Variants in STAP2 observed in about 807,000 individuals in gnomAD.
STAP2 encodes the protein signal transducing adaptor family member 2.
Under a neutral mutation model 52.7 loss-of-function variants are expected in STAP2, and 58 were observed. The ratio of observed to expected loss-of-function variants is 1.10; its 90% confidence interval spans 0.89 to 1.37. The LOEUF is 1.37. Among genes scored for constraint, STAP2 ranks in the 40% most tolerant of loss-of-function variants. STAP2 has a pLI of 0.00. For synonymous variants in STAP2, 231 were observed against 210.5 expected, an observed-to-expected ratio of 1.10 and a Z score of -0.84; for missense variants, 522 against 519.4, an observed-to-expected ratio of 1.00 and a Z score of -0.05.
chr19:4,324,381 G>A, intron 12 of STAP2, 74 bp downstream of exon 12: 1 of 1,402,456 alleles, frequency 7.1e-7, no homozygotes. Flanking sequence ...GCGCTTCGGA[G>A]TGTGGGGACT....
In STAP2 at chr19:4,328,748, C is replaced by T. The variant is rs1325603205; in HGVS notation, c.517G>A (p.Gly173Arg). The change falls in exon 6 of 13, where the codon GGG becomes AGG. Residue 173 changes from glycine to arginine, a missense_variant. Transcript: ENST00000594605. ...CCGCTGGGCCGCAGCAGCAGGTTCC[C>T]GCACTCGGGGTAGCGCTCCAGGAGC... ...QLLLERYPEC[G>R]NLLLRPSGDG... is the part of the protein sequence containing the mutation. The T allele has an allele frequency of 1.2e-6, 2 of 1,610,300 alleles. No homozygotes were observed. The highest frequency in any genetic ancestry group is 2.2e-5 in the East Asian group (1 of 44,786).
intron 1 of STAP2, 92 bp from the exon 2 acceptor site, chr19:4,334,136 T>G: frequency 9.4e-7 from 1 of 1,062,644 alleles, no homozygotes; most frequent in Non-Finnish European, 1.4e-6. Flanking sequence ...TTGCACTGGT[T>G]GTGCTCTCTG....
chr19:4,337,643 T>TC (rs900666517), intron 1 of STAP2, among the ~76,000 whole-genome samples: 3 of 150,860 alleles, frequency 2.0e-5, no homozygotes, highest in Admixed American at 1.3e-4. Flanking sequence ...GGTCAAGAGT[T>TC]CAAGACCAGC....
intron 3 of STAP2, among the ~76,000 whole-genome samples, chr19:4,332,530 A>AT (rs1404661686): frequency 3.3e-5 from 5 of 151,946 alleles, no homozygotes; most frequent in African/African-American, 7.2e-5. Flanking sequence ...TGATGTTATT[A>AT]TATCAACATT....
chr19:4,327,428 C>A (rs1222332250), intron 6 of STAP2, 43 bp from the exon 7 acceptor site: 1 of 1,608,352 alleles, frequency 6.2e-7, no homozygotes, highest in Non-Finnish European at 8.5e-7. Flanking sequence ...CCCAGGCTCC[C>A]ACACCGCCCC....
intron 3 of STAP2, among the ~76,000 whole-genome samples, chr19:4,332,401 C>T (rs1971908607): frequency 6.6e-6 from 1 of 151,202 alleles, no homozygotes; most frequent in African/African-American, 2.4e-5. Flanking sequence ...ACATGAGGGT[C>T]TCGCTTTGTT....
intron 3 of STAP2, 32 bp downstream of exon 3, chr19:4,333,662 G>A (rs1394792030): frequency 3.8e-6 from 6 of 1,588,006 alleles, no homozygotes; most frequent in African/African-American, 2.7e-5. Flanking sequence ...TGCAAGCACC[G>A]CCCCTCTGCA....
At chr19:4,331,159 G>A (rs1320946930) in intron 4 of STAP2, among the ~76,000 whole-genome samples, 2 of 152,124 alleles carry the variant, frequency 1.3e-5, no homozygotes, top group East Asian at 3.9e-4. Flanking sequence ...GTGAGACCCT[G>A]CTCTACAAAA....
Position 4,325,482 on chromosome 19 carries a change from G to A in STAP2, c.893C>T (p.Pro298Leu). The change falls in exon 10 of 13, where the codon CCC (proline) becomes CTC (leucine). Residue 298 changes from proline to leucine, a missense_variant. Coordinates refer to ENST00000594605, the MANE Select transcript of STAP2 (RefSeq NM_001013841.2). Reference protein sequence around the residue: ...LSPASSQDKLPPLPPLPNQEE... With the variant: ...LSPASSQDKLLPLPPLPNQEE... ...CTGGTTCGGTAGTGGGGGCAGTGGG[G>A]GCAGCTTGTCCTGGCTAGACGCAGG... is the stretch of plus-strand genomic sequence containing the variant. 6.2e-7 allele frequency: 1 copy of A among 1,613,588 alleles called. No homozygotes were observed. The highest frequency in any genetic ancestry group is 8.5e-7 in the Non-Finnish European group (1 of 1,179,704).
chr19:4,333,443 C>T (rs755094895), intron 3 of STAP2, among the ~76,000 whole-genome samples: 12 of 152,106 alleles, frequency 7.9e-5, no homozygotes, highest in Non-Finnish European at 1.6e-4. Flanking sequence ...TTGCAGTGAG[C>T]CAAGATCGTG....
chr19:4,332,488 G>C (rs894979166), intron 3 of STAP2, among the ~76,000 whole-genome samples: 1 of 151,868 alleles, frequency 6.6e-6, no homozygotes, highest in African/African-American at 2.4e-5. Flanking sequence ...TTACAGGCAT[G>C]AGCCACCATG....
chr19:4,325,183 C>T, intron 11 of STAP2, 33 bp downstream of exon 11: 1 of 1,523,354 alleles, frequency 6.6e-7, no homozygotes. Flanking sequence ...GGCCTGCCAT[C>T]AGGTGAGGGT....
At chr19:4,335,238 CTCATCCATCCA>C (rs967217445) in intron 1 of STAP2, among the ~76,000 whole-genome samples, 6 of 151,306 alleles carry the variant, frequency 4.0e-5, no homozygotes, top group Non-Finnish European at 8.8e-5. Context: ...CATCCACCTA[CTCATCCATCCA>C]TCATCCATCC....
intron 9 of STAP2, 92 bp from the exon 10 acceptor site, chr19:4,325,637 G>A: frequency 7.1e-7 from 1 of 1,407,262 alleles, no homozygotes; most frequent in South Asian, 1.4e-5. Flanking sequence ...CCTGGAGACA[G>A]GCATGTGTCC....
rs62129307 is a variant in STAP2 at position 4,328,667 on chromosome 19, A to G, written c.590+8T>C. 7,252 of 1,357,220 alleles carry G rather than the reference A, an allele frequency of 5.3e-3. 23 individuals are homozygous for G. The highest frequency in any genetic ancestry group is 6.2e-3 in the Non-Finnish European group (6,365 of 1,024,836). The allele number at this position is 1,357,220 out of a possible 1,614,324, so 84.1% of individuals were successfully genotyped here. ...CCCACCCAGGGCTCTCCAGACGCGC[A>G]TGCGCACCCGTTGTGCATCTGCCGC... On this transcript the variant is annotated splice_region_variant and intron_variant, in intron 6 of 12. Transcript: ENST00000594605.
Position 4,330,058 on chromosome 19 carries a change from GGAGCT to G in STAP2, c.355-2_357del. 6.2e-7 allele frequency: 1 copy of G among 1,613,166 alleles called. No homozygotes were observed. The highest frequency in any genetic ancestry group is 8.5e-7 in the Non-Finnish European group (1 of 1,179,730). ...AGCAGGGTCAAGTCGGTCGGGACAC[GGAGCT>G]GAGGGGCGATCGAGGGACAGTGACT... is the stretch of plus-strand genomic sequence containing the variant. On this transcript the variant is annotated splice_acceptor_variant and coding_sequence_variant, in exon 5 of 13. Coordinates refer to ENST00000594605, the MANE Select transcript of STAP2 (RefSeq NM_001013841.2). LOFTEE classifies it high-confidence loss of function.
chr19:4,331,606 G>GGCAACAGAGTGAGA (rs1209059122), intron 4 of STAP2, among the ~76,000 whole-genome samples: 2 of 151,652 alleles, frequency 1.3e-5, no homozygotes, highest in Admixed American at 6.6e-5. Context: ...CTCCAGCCTG[G>GGCAACAGAGTGAGA]GCAACAGAGT....
At chr19:4,324,426 G>A (rs375793848) in intron 12 of STAP2, 29 bp downstream of exon 12, 58 of 1,532,372 alleles carry the variant, frequency 3.8e-5, no homozygotes, top group Non-Finnish European at 4.9e-5. Flanking sequence ...TGGGAAGCCC[G>A]CCCCGCACTG....
intron 1 of STAP2, among the ~76,000 whole-genome samples, chr19:4,335,554 C>T (rs1325288842): frequency 6.6e-6 from 1 of 152,188 alleles, no homozygotes; most frequent in African/African-American, 2.4e-5. Flanking sequence ...TACCCATCCA[C>T]CTGTCCATCC....
Sources: gnomAD v4.1 joint callset for allele counts (sites outside exome capture counted in the v4.1 genomes callset) on GRCh38, gnomAD v4.1.1 for gene constraint, MANE v1.5 for transcripts, NCBI Gene and HGNC (gene_info 2026-07-23, HGNC 2026-07-21) for gene names.